TLR8: variants seen among roughly 807,000 people sequenced by gnomAD.
TLR8 encodes the protein toll-like receptor 8.
A neutral mutation model predicts 18.5 loss-of-function variants in TLR8; 5 were observed. The observed-to-expected ratio is 0.27, with a 90% CI of 0.14 to 0.57. TLR8 has a LOEUF of 0.57. Ranked by LOEUF, TLR8 falls within the 20% of genes least tolerant of loss-of-function variation. The pLI, the probability that TLR8 is intolerant of heterozygous loss-of-function variation, is 0.92. For missense variants in TLR8, 543 were observed against 769.8 expected (o/e 0.71, Z 3.49); for synonymous variants, 299 against 300.1 (o/e 1.00, Z 0.04).
At position 12,921,229 on chromosome X, in the gene TLR8, G is replaced by A. The variant is rs190078518; in HGVS notation, c.2189G>A (p.Gly730Asp). 3 of 1,209,764 alleles carry A rather than the reference G, an allele frequency of 2.5e-6. No homozygotes were observed. The Admixed American group carries it at 6.6e-5, about 26-fold the overall frequency. The change falls in exon 2 of 2, where the codon GGC becomes GAC. Residue 730 changes from glycine (G) to aspartate (D), a missense_variant. By Grantham distance (94) the Gly-to-Asp change is moderately conservative (BLOSUM62 -1). Transcript: ENST00000218032. ...SHNRISHLPS[G>D]FLSEVSSLKH... ...AACAGGATTTCCCACCTACCCTCTGGCTTTCTTTCTGAAGTCAGTAGTCTG... is the reference window on the plus strand; with the variant it reads ...AACAGGATTTCCCACCTACCCTCTGACTTTCTTTCTGAAGTCAGTAGTCTG...
At chrX:12,907,126 C>T (rs2042990256) in intron 1 of TLR8, among the ~76,000 whole-genome samples, 1 of 112,480 alleles carries the variant, frequency 8.9e-6, no homozygotes, top group African/African-American at 3.2e-5. Flanking sequence ...AACTCTCTTC[C>T]TTCACATACA....
intron 1 of TLR8, among the ~76,000 whole-genome samples, chrX:12,909,634 C>T (rs1188253071): frequency 9.0e-6 from 1 of 111,715 alleles, no homozygotes; most frequent in African/African-American, 3.3e-5. Context: ...GCATTTGAGT[C>T]TTGGAGGTTC....
chrX:12,918,443 A>G (rs909383172), intron 1 of TLR8, among the ~76,000 whole-genome samples: 1 of 112,008 alleles, frequency 8.9e-6, no homozygotes, highest in Non-Finnish European at 1.9e-5. Flanking sequence ...TAGACTCATT[A>G]TGGTGGTGGA....
At chrX:12,914,726 C>T (rs991848418) in intron 1 of TLR8, among the ~76,000 whole-genome samples, 1 of 111,673 alleles carries the variant, frequency 9.0e-6, no homozygotes, top group Non-Finnish European at 1.9e-5. Context: ...CACCCTAGTT[C>T]AAACTCCCAT....
chrX:12,910,024 G>T lies in TLR8; in HGVS notation c.3+3315G>T, dbSNP rs781771756. On this transcript the variant is annotated intron_variant, in intron 1 of 1. Coordinates refer to ENST00000218032, the MANE Select transcript of TLR8 (RefSeq NM_138636.5). ...GTCATGTTTTCTTTTGTCTTCCAAA[G>T]CTGTTAGTGAATCCATTGAATTTGG... Among the ~76,000 whole-genome samples, 182 of 112,015 alleles carry T rather than the reference G, an allele frequency of 1.6e-3. 4 individuals carry two copies. The highest frequency in any genetic ancestry group is 7.7e-4 in the Non-Finnish European group (41 of 53,179).
intron 1 of TLR8, among the ~76,000 whole-genome samples, chrX:12,909,231 C>T (rs1433022717): frequency 1.8e-5 from 2 of 111,934 alleles, no homozygotes; most frequent in Non-Finnish European, 3.8e-5. Flanking sequence ...TGCATATGGC[C>T]GAGGACAGCT....
In TLR8 at chrX:12,921,850, A is replaced by G. The variant is rs756907617; in HGVS notation, c.2810A>G (p.Asn937Ser). 12 of 1,210,511 alleles carry G rather than the reference A, an allele frequency of 9.9e-6. No homozygotes were observed. In the East Asian group the frequency reaches 2.1e-4, roughly 21 times the overall value. The change falls in exon 2 of 2, where the codon AAC becomes AGC. Residue 937 changes from asparagine to serine, a missense_variant. Asn to Ser is a conservative substitution (Grantham distance 46, BLOSUM62 1). Around this residue, in one of 4 missense-constraint regions of TLR8, gnomAD observed 227 missense variants for 312.9 expected, o/e 0.73. Coordinates refer to ENST00000218032, the MANE Select transcript of TLR8 (RefSeq NM_138636.5). ...AIIDNLMQSI[N>S]QSKKTVFVLT... ...ATCGACAACCTCATGCAGAGCATCA[A>G]CCAAAGCAAGAAAACAGTATTTGTT...
At position 12,923,040 on chromosome X, in the gene TLR8, T is replaced by G. The variant is rs535653305; in HGVS notation, c.*874T>G. The G allele has an allele frequency of 5.3e-5, 6 of 112,448 alleles. No homozygotes were observed. Among genetic ancestry groups the G allele is most frequent in the African/African-American group, 1.9e-4 (6 of 31,000 alleles). 9.3% of individuals were successfully genotyped at this position (112,448 alleles called of 1,213,427 possible). On this transcript the variant is annotated 3_prime_UTR_variant, in exon 2 of 2. Transcript: ENST00000218032. The stretch of plus-strand genomic sequence containing the variant: ...CCATTTAAGAACTGAGATGGATAGC[T>G]TTTAAAGCATCTTTTACTTCTTACC...
At chrX:12,914,225 T>C (rs1464363910) in intron 1 of TLR8, among the ~76,000 whole-genome samples, 1 of 111,662 alleles carries the variant, frequency 9.0e-6, no homozygotes, top group African/African-American at 3.3e-5. Context: ...CACCTCACAT[T>C]TTATACCTAA....
chrX:12,922,366 C>A lies in TLR8; in HGVS notation c.*200C>A. The A allele has an allele frequency of 2.3e-6, 1 of 441,327 alleles. No homozygotes were observed. Among genetic ancestry groups the A allele is most frequent in the Admixed American group, 4.4e-5 (1 of 22,675 alleles). 36.4% of individuals were successfully genotyped at this position (441,327 alleles called of 1,213,427 possible). On this transcript the variant is annotated 3_prime_UTR_variant, in exon 2 of 2. Coordinates refer to ENST00000218032, the MANE Select transcript of TLR8 (RefSeq NM_138636.5). Reference sequence around the variant, plus strand: ...TCTGCTCAGGGTGTCTCAGAGGCTGCAATGTAGGTGTTCACCAGAGACATA... The same window carrying A: ...TCTGCTCAGGGTGTCTCAGAGGCTGAAATGTAGGTGTTCACCAGAGACATA...
intron 1 of TLR8, among the ~76,000 whole-genome samples, chrX:12,907,822 C>T (rs1191342939): frequency 9.0e-6 from 1 of 110,950 alleles, no homozygotes; most frequent in Non-Finnish European, 1.9e-5. Context: ...CCACCGCGCC[C>T]GGCCTGAAGT....
intron 1 of TLR8, among the ~76,000 whole-genome samples, chrX:12,917,718 C>T (rs182098755): frequency 1.3e-3 from 151 of 112,404 alleles, no homozygotes; most frequent in African/African-American, 4.5e-3. Context: ...TCCTGTGTTA[C>T]TGAGGGTGCA....
Position 12,921,250 on chromosome X carries a change from G to T in TLR8, c.2210G>T (p.Ser737Ile), listed in dbSNP as rs1422836324. 8.3e-7 allele frequency: 1 copy of T among 1,211,679 alleles called. No individual in the cohort carries two copies. Among genetic ancestry groups the T allele is most frequent in the Middle Eastern group, 2.3e-4 (1 of 4,351 alleles). ...TCTGGCTTTCTTTCTGAAGTCAGTAGTCTGAAGCACCTCGATTTAAGTTCC... is the reference window on the plus strand; with the variant it reads ...TCTGGCTTTCTTTCTGAAGTCAGTATTCTGAAGCACCTCGATTTAAGTTCC... ...LPSGFLSEVS[S>I]LKHLDLSSNL... Residue 737 changes from serine to isoleucine, a missense_variant, in exon 2 of 2, where the codon AGT becomes ATT. Physicochemically the swap from Ser to Ile is moderately radical, Grantham distance 142. This residue lies in a region of TLR8 where 227 missense variants were observed against 312.9 expected (regional missense o/e 0.73). Coordinates refer to ENST00000218032, the MANE Select transcript of TLR8 (RefSeq NM_138636.5).
chrX:12,918,787 G>A (rs1169958235), intron 1 of TLR8, among the ~76,000 whole-genome samples: 2 of 111,251 alleles, frequency 1.8e-5, no homozygotes, highest in Non-Finnish European at 1.9e-5. Context: ...TTTCCACCTC[G>A]GCCTCCCAAA....
chrX:12,911,950 T>G (rs1234096472), intron 1 of TLR8, among the ~76,000 whole-genome samples: 1 of 112,718 alleles, frequency 8.9e-6, no homozygotes. Flanking sequence ...TGTCAGCTGT[T>G]GTCTCCTCCT....
chrX:12,918,786 C>T (rs1377965340), intron 1 of TLR8, among the ~76,000 whole-genome samples: 1 of 111,743 alleles, frequency 8.9e-6, no homozygotes, highest in African/African-American at 3.3e-5. Context: ...CTTTCCACCT[C>T]GGCCTCCCAA....
chrX:12,908,222 T>C (rs2042998033), intron 1 of TLR8: 1 of 110,891 alleles, frequency 9.0e-6, no homozygotes, highest in Non-Finnish European at 1.9e-5. Context: ...GCACCTGTAG[T>C]CCCAGCTACT....
chrX:12,915,587 C>T (rs5744061), intron 1 of TLR8, among the ~76,000 whole-genome samples: 1,509 of 112,653 alleles, frequency 0.013, 20 homozygotes, highest in African/African-American at 0.046. Flanking sequence ...AGAACCTCAA[C>T]GACATCTCCA....
intron 1 of TLR8, among the ~76,000 whole-genome samples, chrX:12,914,101 C>CA (rs1425915961): frequency 2.7e-5 from 3 of 111,202 alleles, no homozygotes; most frequent in Non-Finnish European, 5.7e-5. Flanking sequence ...ATCCAAATAA[C>CA]AGAAGAGTTA....
Sources: allele counts gnomAD v4.1 joint callset (sites outside exome capture counted in the v4.1 genomes callset), GRCh38; gene constraint gnomAD v4.1.1; regional missense constraint gnomAD v4.1.1; transcripts MANE v1.5; gene names NCBI Gene and HGNC (gene_info 2026-07-23, HGNC 2026-07-21).